TEKT1: variants seen among roughly 807,000 people sequenced by gnomAD.
The protein encoded by TEKT1 is tektin 1, also known as tektin-1.
Under a neutral mutation model 34.8 loss-of-function variants are expected in TEKT1, and 32 were observed. The ratio of observed to expected loss-of-function variants is 0.92; its 90% CI spans 0.69 to 1.23. TEKT1 has a LOEUF of 1.23. TEKT1 is among the 50% of genes most tolerant of loss of function. The pLI is 0.00. For synonymous variants in TEKT1, 207 were observed against 199.8 expected (o/e 1.04, Z -0.30); for missense variants, 492 against 518.5 (o/e 0.95, Z 0.50).
rs1904538609 is a variant in TEKT1 at position 6,830,284 on chromosome 17, C to G, written c.93G>C (p.Arg31Ser). The change falls in exon 2 of 8, where the codon AGG (arginine) becomes AGC (serine). Residue 31 changes from arginine (R) to serine (S), a missense_variant. Coordinates refer to ENST00000338694, the MANE Select transcript of TEKT1 (RefSeq NM_053285.2). ...CTGCGACCAGGCGTTCTGATCGGGA[C>G]CTTTGAGCGTCTGCTCTGTGGTACT... ...KNQYHRADAQRSRSERLVAES... is the reference protein window; with the variant it reads ...KNQYHRADAQSSRSERLVAES... 6.2e-7 allele frequency: 1 copy of G among 1,613,586 alleles called. No individual in the cohort carries two copies. The highest frequency in any genetic ancestry group is 1.7e-5 in the Admixed American group (1 of 59,790).
rs776404867 is a variant in TEKT1 at position 6,819,300 on chromosome 17, C to G, written c.249G>C (p.Gln83His). 1 of 1,614,074 alleles carries G rather than the reference C, an allele frequency of 6.2e-7. No homozygotes were observed. Among genetic ancestry groups the G allele is most frequent in the Non-Finnish European group, 8.5e-7 (1 of 1,179,986 alleles). ...WKKELDDKLE[Q>H]LVNVTDDLLI... The stretch of plus-strand genomic sequence containing the variant: ...GTAGATCATCAGTTACATTCACAAG[C>G]TGCTCAAGTTTGTCATCTAACTCCT... The change falls in exon 3 of 8, where the codon CAG (glutamine) becomes CAC (histidine). Residue 83 changes from glutamine (Q) to histidine (H), a missense_variant. By Grantham distance (24) the Gln-to-His change is conservative (BLOSUM62 0). Transcript: ENST00000338694.
rs568466793 is a variant in TEKT1 at position 6,809,554 on chromosome 17, G to A, written c.852+3277C>T. Among the ~76,000 whole-genome samples the A allele has an allele frequency of 2.6e-5, 4 of 152,244 alleles. No individual in the cohort carries two copies. In the South Asian group the frequency reaches 8.3e-4, roughly 32 times the overall value. On this transcript the variant is annotated intron_variant, in intron 6 of 7. Transcript: ENST00000338694. The stretch of plus-strand genomic sequence containing the variant: ...GCCGATTCTATGGGTTTTGACAGAT[G>A]TATAACTACATGTATCCACTTTACA...
In TEKT1 at chr17:6,811,064, T is replaced by G. The variant is rs949585537; in HGVS notation, c.852+1767A>C. On this transcript the variant is annotated intron_variant, in intron 6 of 7. Coordinates refer to ENST00000338694, the MANE Select transcript of TEKT1 (RefSeq NM_053285.2). The surrounding 1 kb of genome is among the most constrained non-coding windows in gnomAD (Gnocchi z 4.4). ...GCCGTGACATCTTATTTTATTGTTT[T>G]ATTACCAGTATGTCTTTGTTTCTGC... is the stretch of plus-strand genomic sequence containing the variant. 6.6e-6 allele frequency among the ~76,000 whole-genome samples: 1 copy of G among 152,124 alleles called. No homozygotes were observed. Among genetic ancestry groups the G allele is most frequent in the Non-Finnish European group, 1.5e-5 (1 of 68,020 alleles).
intron 2 of TEKT1, among the ~76,000 whole-genome samples, chr17:6,822,475 T>C (rs1341477281): frequency 6.6e-6 from 1 of 152,216 alleles, no homozygotes; most frequent in Non-Finnish European, 1.5e-5. Flanking sequence ...CTATTAGTTA[T>C]TGAGCCTCCC....
In TEKT1 at chr17:6,800,248, AAGAAG is replaced by A. The variant is rs777587137; in HGVS notation, c.1050-19_1050-15del. ...GTTTCCTTCAATCTAGGAGAAAGGG[AAGAAG>A]AGAAGAGAATAATTTCTCTCTATGC... On this transcript the variant is annotated splice_polypyrimidine_tract_variant and intron_variant, in intron 7 of 7. Transcript: ENST00000338694. The A allele has an allele frequency of 6.8e-6, 11 of 1,608,626 alleles. No individual in the cohort carries two copies. The highest frequency in any genetic ancestry group is 6.8e-5 in the Admixed American group (4 of 58,786).
Position 6,800,881 on chromosome 17 carries a change from G to A in TEKT1, c.915C>T (p.Asp305=). 1 of 1,614,150 alleles carries A rather than the reference G, an allele frequency of 6.2e-7. No individual in the cohort carries two copies. Among genetic ancestry groups the A allele is most frequent in the Non-Finnish European group, 8.5e-7 (1 of 1,180,024 alleles). ...GAGCCACCTTGGCTGGCCCTTCTTG[G>A]TCAAGGATGGCCTTTTCAAGAGCTG... is the stretch of plus-strand genomic sequence containing the variant. ...NITALEKAIL[D]QEGPAKVAHT... is the part of the protein sequence containing the mutation. The change falls in exon 7 of 8, where the codon GAC becomes GAT. Residue 305 remains aspartate, a synonymous_variant. Transcript: ENST00000338694.
rs2151586939 is a variant in TEKT1, at chr17:6,815,196, C to G, written c.596G>C (p.Arg199Thr). Residue 199 changes from arginine to threonine, a missense_variant, in exon 5 of 8, where the codon AGA (arginine) becomes ACA (threonine). Transcript: ENST00000338694. ...FSLNNNSPNIRYSENAVRIEP... is the reference protein window; with the variant it reads ...FSLNNNSPNITYSENAVRIEP... ...AATCCTCACGGCGTTCTCAGAATAT[C>G]TGATGTTTGGTGAGTTGTTGTTGAG... The G allele has an allele frequency of 6.2e-7, 1 of 1,614,056 alleles. No homozygotes were observed. The highest frequency in any genetic ancestry group is 2.2e-5 in the East Asian group (1 of 44,884).
chr17:6,814,856 GA>G (rs1240666204), intron 5 of TEKT1: 7 of 234,090 alleles, frequency 3.0e-5, no homozygotes, highest in Middle Eastern at 1.6e-3. Context: ...AAGGGGGGGG[GA>G]AATTCACTTG....
chr17:6,827,949 C>CTTTTTTTTTTTTTTT (rs1392072130), intron 2 of TEKT1, among the ~76,000 whole-genome samples: 144 of 148,438 alleles, frequency 9.7e-4, no homozygotes, highest in Middle Eastern at 3.7e-3. Context: ...GATTTCTCTT[C>CTTTTTTTTTTTTTTT]TTTTTTTTGT....
At position 6,811,542 on chromosome 17, in the gene TEKT1, C is replaced by T. The variant is rs531170695; in HGVS notation, c.852+1289G>A. 1.3e-5 allele frequency among the ~76,000 whole-genome samples: 2 copies of T among 152,142 alleles called. No individual in the cohort carries two copies. The highest frequency in any genetic ancestry group is 2.9e-5 in the Non-Finnish European group (2 of 68,012). On this transcript the variant is annotated intron_variant, in intron 6 of 7. Coordinates refer to ENST00000338694, the MANE Select transcript of TEKT1 (RefSeq NM_053285.2). The surrounding 1 kb of genome is among the most constrained non-coding windows in gnomAD (Gnocchi z 4.4). ...TGGCTCTGACGTCTACCCATTTCCA[C>T]TAGGCTCGTCTACCTCTCGGTTTGC...
chr17:6,815,892 T>C lies in TEKT1; in HGVS notation c.427A>G (p.Ile143Val), dbSNP rs1597790338. 1 of 1,614,194 alleles carries C rather than the reference T, an allele frequency of 6.2e-7. No individual in the cohort carries two copies. The highest frequency in any genetic ancestry group is 8.5e-7 in the Non-Finnish European group (1 of 1,180,024). ...GTCAGCAGAGCCATAATGCCCTGGA[T>C]GATCTCAGCCTCCTTTATCAGCTCA... Reference protein sequence around the residue: ...EHELIKEAEIIQGIMALLTRT... With the variant: ...EHELIKEAEIVQGIMALLTRT... The change falls in exon 4 of 8, where the codon ATC (isoleucine) becomes GTC (valine). Residue 143 changes from isoleucine (I) to valine (V), a missense_variant. By Grantham distance (29) the Ile-to-Val change is conservative. Coordinates refer to ENST00000338694, the MANE Select transcript of TEKT1 (RefSeq NM_053285.2).
intron 2 of TEKT1, among the ~76,000 whole-genome samples, chr17:6,824,815 T>C (rs1162344408): frequency 6.6e-6 from 1 of 152,168 alleles, no homozygotes; most frequent in Non-Finnish European, 1.5e-5. Context: ...CAGAAGCAAG[T>C]TTTGAAGGAC....
intron 5 of TEKT1, 77 bp downstream of exon 5, chr17:6,815,086 A>G: frequency 6.5e-7 from 1 of 1,527,456 alleles, no homozygotes; most frequent in Non-Finnish European, 8.8e-7. Flanking sequence ...GCCAGCTGCA[A>G]GGACGAGCCG....
Position 6,815,225 on chromosome 17 carries a change from G to A in TEKT1, c.567C>T (p.Phe189=), listed in dbSNP as rs754738253. 3.1e-6 allele frequency: 5 copies of A among 1,614,106 alleles called. No homozygotes were observed. Among genetic ancestry groups the A allele is most frequent in the Non-Finnish European group, 4.2e-6 (5 of 1,180,034 alleles). Reference sequence around the variant, plus strand: ...TGTTTGGTGAGTTGTTGTTGAGCGAGAAGCAGATATCATCTATGGTCAGGG... The same window carrying A: ...TGTTTGGTGAGTTGTTGTTGAGCGAAAAGCAGATATCATCTATGGTCAGGG... The part of the protein sequence containing the change: ...FVALTIDDIC[F]SLNNNSPNIR... The change falls in exon 5 of 8, where the codon TTC becomes TTT. Residue 189 remains phenylalanine, a synonymous_variant. Transcript: ENST00000338694.
chr17:6,818,194 A>C (rs181770608), intron 3 of TEKT1, among the ~76,000 whole-genome samples: 1 of 152,220 alleles, frequency 6.6e-6, no homozygotes, highest in African/African-American at 2.4e-5. Context: ...TAAGAAGCTT[A>C]AAATTTATCT....
rs78052846 is a variant in TEKT1, at chr17:6,812,808, C to T, written c.852+23G>A. On this transcript the variant is annotated intron_variant, in intron 6 of 7. Coordinates refer to ENST00000338694, the MANE Select transcript of TEKT1 (RefSeq NM_053285.2). ...AAAGCTCCTGAATCTGCTCTTCTTC[C>T]ATGCTCCCTCAAGGGACCTCACCTT... 2,467 of 1,604,880 alleles carry T rather than the reference C, an allele frequency of 1.5e-3. 36 individuals are homozygous for T. In the African/African-American group the frequency reaches 0.029, roughly 19 times the overall value.
rs769177223 is a variant in TEKT1 at position 6,800,246 on chromosome 17, G to A, written c.1050-12C>T. The A allele has an allele frequency of 3.7e-6, 6 of 1,610,176 alleles. No individual in the cohort carries two copies. In the African/African-American group the frequency reaches 6.7e-5, roughly 18 times the overall value. Reference sequence around the variant, plus strand: ...AAGTTTCCTTCAATCTAGGAGAAAGGGAAGAAGAGAAGAGAATAATTTCTC... The same window carrying A: ...AAGTTTCCTTCAATCTAGGAGAAAGAGAAGAAGAGAAGAGAATAATTTCTC... On this transcript the variant is annotated splice_polypyrimidine_tract_variant and intron_variant, in intron 7 of 7. Transcript: ENST00000338694.
chr17:6,820,922 C>T (rs9904979), intron 2 of TEKT1, among the ~76,000 whole-genome samples: 9,367 of 152,208 alleles, frequency 0.062, 819 homozygotes, highest in African/African-American at 0.19. Context: ...ATTCTACCCT[C>T]GACATTTCAT....
intron 6 of TEKT1, among the ~76,000 whole-genome samples, chr17:6,802,857 G>A (rs1049729494): frequency 1.8e-4 from 27 of 152,182 alleles, no homozygotes; most frequent in African/African-American, 5.8e-4. Flanking sequence ...CCATTCTATC[G>A]TTGTTGGACA....
Sources: allele counts gnomAD v4.1 joint callset (sites outside exome capture counted in the v4.1 genomes callset), GRCh38; gene constraint gnomAD v4.1.1; non-coding constraint Gnocchi (gnomAD v3.1); transcripts MANE v1.5; gene names NCBI Gene and HGNC (gene_info 2026-07-23, HGNC 2026-07-21).